Variants in NKAIN3 observed in about 807,000 individuals in gnomAD.
The protein encoded by NKAIN3 is sodium/potassium-transporting ATPase subunit beta-1-interacting protein 3.
A neutral mutation model predicts 30.2 loss-of-function variants in NKAIN3; 25 were observed. The observed-to-expected ratio is 0.83, with a 90% CI of 0.60 to 1.16. The LOEUF is 1.16. NKAIN3 is among the 50% of genes most tolerant of loss of function. The pLI is 0.00. For synonymous variants in NKAIN3, 91 were observed against 89.6 expected (o/e 1.02, Z -0.09); for missense variants, 225 against 254.1 (o/e 0.89, Z 0.78).
chr8:62,598,472 G>A (rs548008066), intron 3 of NKAIN3, among the ~76,000 whole-genome samples: 2 of 151,996 alleles, frequency 1.3e-5, no homozygotes, highest in Admixed American at 1.3e-4. Context: ...ATTGGCTCTG[G>A]GTCAAGTTAA....
chr8:62,719,259 T>C (rs1276938424), intron 3 of NKAIN3, among the ~76,000 whole-genome samples: 1 of 152,300 alleles, frequency 6.6e-6, no homozygotes, highest in African/African-American at 2.4e-5. Context: ...TAGACAAATG[T>C]CACTGGGGAA....
chr8:62,531,731 C>G (rs1808497267), intron 1 of NKAIN3, among the ~76,000 whole-genome samples: 1 of 152,122 alleles, frequency 6.6e-6, no homozygotes, highest in South Asian at 2.1e-4. Flanking sequence ...AGATGAATGA[C>G]CCAGAGATGG....
chr8:62,434,525 C>A (rs1805110817), intron 1 of NKAIN3, among the ~76,000 whole-genome samples: 1 of 152,094 alleles, frequency 6.6e-6, no homozygotes, highest in African/African-American at 2.4e-5. Context: ...GTGTAAGGAA[C>A]CCAATAATGT....
intron 3 of NKAIN3, among the ~76,000 whole-genome samples, chr8:62,689,162 T>C (rs1813886043): frequency 6.6e-6 from 1 of 152,240 alleles, no homozygotes; most frequent in South Asian, 2.1e-4. Flanking sequence ...TCATTATATC[T>C]AGATTGAGTT....
chr8:62,338,534 T>G (rs1419050354), intron 1 of NKAIN3, among the ~76,000 whole-genome samples: 1 of 151,962 alleles, frequency 6.6e-6, no homozygotes, highest in Non-Finnish European at 1.5e-5. Context: ...ATAGAAAATT[T>G]TAAGGTCAGC....
chr8:62,829,742 TGATAGATAGATA>T (rs57301851), intron 4 of NKAIN3, among the ~76,000 whole-genome samples: 1 of 150,264 alleles, frequency 6.7e-6, no homozygotes, highest in African/African-American at 2.5e-5. Flanking sequence ...GATAGATAGA[TGATAGATAGATA>T]GATAGATAGA....
At chr8:62,935,997 A>G (rs1350059) in intron 5 of NKAIN3, among the ~76,000 whole-genome samples, 76,360 of 152,026 alleles carry the variant, frequency 0.5, 19,752 homozygotes, top group African/African-American at 0.62. Context: ...CAGTGAAATT[A>G]TGAAATAGAA....
intron 1 of NKAIN3, among the ~76,000 whole-genome samples, chr8:62,285,213 A>G (rs1431054100): frequency 1.3e-5 from 2 of 152,282 alleles, no homozygotes; most frequent in African/African-American, 4.8e-5. Context: ...TGGAGAATGT[A>G]TGTGTTCTAA....
At chr8:62,317,819 C>A (rs757447312) in intron 1 of NKAIN3, among the ~76,000 whole-genome samples, 1 of 152,156 alleles carries the variant, frequency 6.6e-6, no homozygotes, top group Non-Finnish European at 1.5e-5. Flanking sequence ...TGAAGAAAGT[C>A]ATTGGTAGCT....
intron 1 of NKAIN3, among the ~76,000 whole-genome samples, chr8:62,438,983 GT>G (rs2129598088): frequency 6.6e-6 from 1 of 152,300 alleles, no homozygotes; most frequent in Admixed American, 6.5e-5. Context: ...AGAGGCCACT[GT>G]GGCTAGACCA....
chr8:62,881,321 T>C (rs920232469), intron 4 of NKAIN3, among the ~76,000 whole-genome samples: 4 of 152,358 alleles, frequency 2.6e-5, no homozygotes, highest in African/African-American at 4.8e-5. Flanking sequence ...TGACAATCAC[T>C]GATTCTTTTA....
intron 3 of NKAIN3, among the ~76,000 whole-genome samples, chr8:62,633,908 A>G (rs1812043426): frequency 6.6e-6 from 1 of 152,146 alleles, no homozygotes; most frequent in African/African-American, 2.4e-5. Context: ...AAGAGAGTAC[A>G]GCTGATGCGG....
chr8:62,897,578 A>C (rs887761491), intron 4 of NKAIN3, among the ~76,000 whole-genome samples: 1 of 152,172 alleles, frequency 6.6e-6, no homozygotes, highest in African/African-American at 2.4e-5. Flanking sequence ...CTGGGATTCA[A>C]GTGTGCTATG....
At chr8:62,855,953 G>A in intron 4 of NKAIN3, 4 of 724,742 alleles carry the variant, frequency 5.5e-6, no homozygotes, top group East Asian at 2.5e-5. Flanking sequence ...GACACTTTAT[G>A]TGCAGAGCAC....
chr8:62,469,413 A>C (rs1363202487), intron 1 of NKAIN3, among the ~76,000 whole-genome samples: 1 of 152,170 alleles, frequency 6.6e-6, no homozygotes, highest in Non-Finnish European at 1.5e-5. Flanking sequence ...GATACAGTTG[A>C]ATATGAACCA....
At chr8:62,993,890 G>A (rs961662556) in intron 5 of NKAIN3, among the ~76,000 whole-genome samples, 1 of 152,246 alleles carries the variant, frequency 6.6e-6, no homozygotes, top group African/African-American at 2.4e-5. Flanking sequence ...TGAGAGCCAG[G>A]AAGAAAAGCA....
intron 1 of NKAIN3, among the ~76,000 whole-genome samples, chr8:62,314,714 T>G (rs1184357709): frequency 6.6e-6 from 1 of 152,168 alleles, no homozygotes; most frequent in Non-Finnish European, 1.5e-5. Flanking sequence ...TCCTATGCAT[T>G]TGAGATGCCC....
intron 1 of NKAIN3, among the ~76,000 whole-genome samples, chr8:62,533,562 T>C (rs1322053015): frequency 2.6e-5 from 4 of 152,218 alleles, no homozygotes; most frequent in African/African-American, 7.2e-5. Context: ...TGAATTACAT[T>C]TGGGAGACTG....
chr8:62,553,128 AATC>A (rs1809269908), intron 1 of NKAIN3, among the ~76,000 whole-genome samples: 1 of 152,142 alleles, frequency 6.6e-6, no homozygotes, highest in African/African-American at 2.4e-5. Flanking sequence ...GTATCATTAA[AATC>A]ATCACATTAT....
Sources: gnomAD v4.1 joint callset for allele counts (sites outside exome capture counted in the v4.1 genomes callset) on GRCh38, gnomAD v4.1.1 for gene constraint, MANE v1.5 for transcripts, NCBI Gene and HGNC (gene_info 2026-07-23, HGNC 2026-07-21) for gene names.